Variants in ADAM22 observed in about 807,000 individuals in gnomAD.
ADAM22 encodes ADAM metallopeptidase domain 22.
ADAM22 carries 65 observed loss-of-function variants against 144.6 expected under a neutral mutation model. The observed-to-expected ratio is 0.45, with a 90% confidence interval of 0.37 to 0.55. The LOEUF is 0.55. Among genes scored for constraint, ADAM22 ranks in the 20% least tolerant of loss-of-function variants. The pLI is 0.00. For synonymous variants in ADAM22, 391 were observed against 412.6 expected, an observed-to-expected ratio of 0.95 and a Z score of 0.63; for missense variants, 974 against 1,184.9, an observed-to-expected ratio of 0.82 and a Z score of 2.61.
Position 88,145,507 on chromosome 7 carries a change from G to C in ADAM22, c.1485G>C (p.Lys495Asn), listed in dbSNP as rs754171405. 6.2e-7 allele frequency: 1 copy of C among 1,611,382 alleles called. No individual in the cohort carries two copies. The highest frequency in any genetic ancestry group is 1.7e-5 in the Admixed American group (1 of 59,882). Residue 495 changes from lysine to asparagine, a missense_variant and splice_region_variant, in exon 17 of 32, where the codon AAG becomes AAC. Around this residue, in one of 2 missense-constraint regions of ADAM22, gnomAD observed 734 missense variants for 950.6 expected, o/e 0.77. Coordinates refer to ENST00000413139, the MANE Select transcript of ADAM22 (RefSeq NM_001324418.2). ...ACGGTCTTTGCTGTAAAAAGTGCAA[G>C]GTAAATAAACATTAATGACCATTTG... is the stretch of plus-strand genomic sequence containing the variant. The part of the protein sequence containing the change: ...CSDGLCCKKC[K>N]FQPMGTVCRE...
chr7:88,174,119 G>A (rs1270432163), intron 26 of ADAM22, among the ~76,000 whole-genome samples: 5 of 152,122 alleles, frequency 3.3e-5, no homozygotes, highest in Non-Finnish European at 1.5e-5. Context: ...TTCCTGGAGA[G>A]GACAGGCAAG....
At chr7:87,938,207 ATTTTTTTTTTTT>A (rs59698275) in intron 2 of ADAM22, among the ~76,000 whole-genome samples, 49 of 75,578 alleles carry the variant, frequency 6.5e-4, no homozygotes, top group African/African-American at 2.4e-3. Flanking sequence ...ATACCCATAG[ATTTTTTTTTTTT>A]TTTTTTTTTT....
chr7:87,936,628 A>G (rs1030716616), intron 2 of ADAM22, among the ~76,000 whole-genome samples: 1 of 151,962 alleles, frequency 6.6e-6, no homozygotes, highest in African/African-American at 2.4e-5. Flanking sequence ...CCCTCTCTAT[A>G]TTGTATTGAA....
chr7:88,145,652 CA>C, intron 17 of ADAM22, 145 bp downstream of exon 17: 1 of 624,110 alleles, frequency 1.6e-6, no homozygotes, highest in Non-Finnish European at 2.7e-6. Context: ...AGGATCTTCA[CA>C]AAATCTTGTG....
chr7:88,079,573 C>T (rs1310837505), intron 4 of ADAM22, among the ~76,000 whole-genome samples: 1 of 152,112 alleles, frequency 6.6e-6, no homozygotes, highest in Non-Finnish European at 1.5e-5. Flanking sequence ...AGAGTCAAGA[C>T]CTATCAGTGT....
chr7:88,073,619 A>C (rs1813418018), intron 3 of ADAM22, among the ~76,000 whole-genome samples: 1 of 152,234 alleles, frequency 6.6e-6, no homozygotes, highest in South Asian at 2.1e-4. Context: ...TTTAAAGTGC[A>C]CAGTGAGAGG....
intron 3 of ADAM22, among the ~76,000 whole-genome samples, chr7:88,015,468 G>A (rs968482286): frequency 6.6e-5 from 10 of 152,162 alleles, no homozygotes; most frequent in African/African-American, 1.2e-4. Context: ...ATCATCACAG[G>A]CATGCATAGC....
At chr7:88,151,079 A>G (rs1312307905) in intron 19 of ADAM22, 48 bp downstream of exon 19, 1 of 1,579,154 alleles carries the variant, frequency 6.3e-7, no homozygotes, top group East Asian at 2.2e-5. Context: ...ACCAGCATGA[A>G]AGGAATACTG....
intron 21 of ADAM22, among the ~76,000 whole-genome samples, chr7:88,155,139 A>G (rs1233059003): frequency 2.0e-5 from 3 of 152,188 alleles, no homozygotes; most frequent in Non-Finnish European, 4.4e-5. Context: ...AATGCAGCCT[A>G]TAATTTCTTC....
chr7:87,995,289 T>G (rs1486189506), intron 3 of ADAM22, among the ~76,000 whole-genome samples: 1 of 152,166 alleles, frequency 6.6e-6, no homozygotes, highest in Non-Finnish European at 1.5e-5. Flanking sequence ...TAGAAGGACT[T>G]TCCTTTTGAT....
chr7:88,062,503 G>A (rs1810165530), intron 3 of ADAM22, among the ~76,000 whole-genome samples: 2 of 152,218 alleles, frequency 1.3e-5, no homozygotes, highest in South Asian at 2.1e-4. Flanking sequence ...AAGGGAATAT[G>A]TGGCTGGTTT....
At chr7:88,179,756 T>C (rs1399890726) in intron 27 of ADAM22, among the ~76,000 whole-genome samples, 2 of 152,142 alleles carry the variant, frequency 1.3e-5, no homozygotes, top group Non-Finnish European at 2.9e-5. Flanking sequence ...GCTTTGTAAC[T>C]GCTTAATAAA....
intron 3 of ADAM22, among the ~76,000 whole-genome samples, chr7:87,979,202 G>T (rs189599469): frequency 6.6e-6 from 1 of 152,272 alleles, no homozygotes; most frequent in East Asian, 1.9e-4. Context: ...CAGACAAATA[G>T]ACTAAGAGTG....
chr7:88,071,413 T>C (rs906634329), intron 3 of ADAM22, among the ~76,000 whole-genome samples: 33 of 146,038 alleles, frequency 2.3e-4, no homozygotes, highest in Non-Finnish European at 3.9e-4. Flanking sequence ...TTTTTTTTTT[T>C]AGTGTCTCCA....
intron 8 of ADAM22, among the ~76,000 whole-genome samples, chr7:88,126,547 C>T (rs1456377947): frequency 6.6e-6 from 1 of 151,854 alleles, no homozygotes; most frequent in Non-Finnish European, 1.5e-5. Context: ...AGAATTTTAA[C>T]TATATTAACA....
chr7:88,198,801 G>T lies in ADAM22; in HGVS notation c.*2310G>T, dbSNP rs1389704538. ...AATTATTATTTCAAATGAAAATCATGATCATGTGCCTTTTGGGAGACATGG... is the reference window on the plus strand; with the variant it reads ...AATTATTATTTCAAATGAAAATCATTATCATGTGCCTTTTGGGAGACATGG... On this transcript the variant is annotated 3_prime_UTR_variant, in exon 32 of 32. Coordinates refer to ENST00000413139, the MANE Select transcript of ADAM22 (RefSeq NM_001324418.2). 1 of 152,130 alleles carries T rather than the reference G, an allele frequency of 6.6e-6. No individual in the cohort carries two copies. The highest frequency in any genetic ancestry group is 1.9e-4 in the East Asian group (1 of 5,196). The allele number at this position is 152,130 out of a possible 1,614,324, so 9.4% of individuals were successfully genotyped here. A position where few individuals can be genotyped will look rare whatever the true frequency, so the allele number is the denominator to read the frequency against.
chr7:87,979,333 T>C (rs2129448946), intron 3 of ADAM22, among the ~76,000 whole-genome samples: 1 of 152,350 alleles, frequency 6.6e-6, no homozygotes, highest in South Asian at 2.1e-4. Flanking sequence ...TAGCCACTTG[T>C]GGCTGTTTAA....
At chr7:88,086,008 C>G (rs1250118881) in intron 4 of ADAM22, among the ~76,000 whole-genome samples, 1 of 152,034 alleles carries the variant, frequency 6.6e-6, no homozygotes, top group Non-Finnish European at 1.5e-5. Context: ...AACCCCGTCT[C>G]TACTAAAAAT....
chr7:87,965,738 G>A (rs1020287966), intron 2 of ADAM22, among the ~76,000 whole-genome samples: 1 of 152,192 alleles, frequency 6.6e-6, no homozygotes, highest in African/African-American at 2.4e-5. Flanking sequence ...ACTGGGTGAA[G>A]TAAACCTTGA....
Sources: allele counts gnomAD v4.1 joint callset (sites outside exome capture counted in the v4.1 genomes callset), GRCh38; gene constraint gnomAD v4.1.1; regional missense constraint gnomAD v4.1.1; transcripts MANE v1.5; gene names NCBI Gene and HGNC (gene_info 2026-07-23, HGNC 2026-07-21).